WDR49: variants seen among roughly 807,000 people sequenced by gnomAD.
WDR49 encodes the protein cilia- and flagella-associated protein 337.
Under a neutral mutation model 119.5 loss-of-function variants are expected in WDR49, and 107 were observed. The observed-to-expected ratio is 0.90, with a 90% CI of 0.77 to 1.05. WDR49 has a LOEUF of 1.05. WDR49 is among the 50% of genes least tolerant of loss of function. WDR49 has a pLI of 0.00. For missense variants in WDR49, 1,240 were observed against 1,220.5 expected (o/e 1.02, Z -0.24); for synonymous variants, 425 against 418.8 (o/e 1.01, Z -0.18).
intron 8 of WDR49, among the ~76,000 whole-genome samples, chr3:167,573,890 T>C (rs1186035724): frequency 6.6e-6 from 1 of 152,180 alleles, no homozygotes; most frequent in Non-Finnish European, 1.5e-5. Context: ...TCTCCAAAAA[T>C]GCACCGTGAG....
Position 167,621,496 on chromosome 3 carries a change from T to A in WDR49, c.754A>T (p.Ile252Phe). 1 of 1,534,430 alleles carries A rather than the reference T, an allele frequency of 6.5e-7. No homozygotes were observed. The highest frequency in any genetic ancestry group is 8.7e-7 in the Non-Finnish European group (1 of 1,145,952). ...WYDPLDANES[I>F]LSFGDITGKV... ...CCAGTTATATCCCCAAAAGAAAGAA[T>A]TGATTCATTGGCATCAAGAGGATCA... The change falls in exon 4 of 19, where the codon ATT (isoleucine) becomes TTT (phenylalanine). Residue 252 changes from isoleucine to phenylalanine, a missense_variant. Physicochemically the swap from Ile to Phe is conservative, Grantham distance 21. Coordinates refer to ENST00000682715, the MANE Select transcript of WDR49 (RefSeq NM_001366157.1).
At chr3:167,499,707 C>T (rs1379173717) in intron 18 of WDR49, among the ~76,000 whole-genome samples, 2 of 152,208 alleles carry the variant, frequency 1.3e-5, no homozygotes, top group Admixed American at 6.5e-5. Flanking sequence ...CACCAGCCTA[C>T]CACTGCAGCT....
intron 6 of WDR49, among the ~76,000 whole-genome samples, chr3:167,603,019 C>A (rs1715857986): frequency 1.3e-5 from 2 of 152,130 alleles, no homozygotes; most frequent in South Asian, 4.1e-4. Flanking sequence ...AATGGAAAAT[C>A]ACCTAATGAT....
At chr3:167,520,663 T>C (rs1752402767) in intron 16 of WDR49, among the ~76,000 whole-genome samples, 1 of 152,184 alleles carries the variant, frequency 6.6e-6, no homozygotes, top group African/African-American at 2.4e-5. Context: ...TTTTCTTCTA[T>C]CTATGTGTCA....
At position 167,569,851 on chromosome 3, in the gene WDR49, G is replaced by A. The variant is rs189412873; in HGVS notation, c.1509+6067C>T. On this transcript the variant is annotated intron_variant, in intron 8 of 18. Coordinates refer to ENST00000682715, the MANE Select transcript of WDR49 (RefSeq NM_001366157.1). ...CGTTGTCTACAGGACAGGAAACTGA[G>A]TAGGCAGTGGCATGAAGATAAGAGA... Among the ~76,000 whole-genome samples the A allele has an allele frequency of 2.0e-4, 31 of 152,298 alleles. No homozygotes were observed. The East Asian group carries it at 4.2e-3, about 21-fold the overall frequency.
chr3:167,485,315 A>G (rs1287836875), intron 18 of WDR49, among the ~76,000 whole-genome samples: 1 of 152,104 alleles, frequency 6.6e-6, no homozygotes, highest in Non-Finnish European at 1.5e-5. Flanking sequence ...ACCTATGTAA[A>G]AAACCTTCAC....
chr3:167,602,814 A>G (rs548040820), intron 6 of WDR49, among the ~76,000 whole-genome samples: 21 of 152,316 alleles, frequency 1.4e-4, no homozygotes, highest in African/African-American at 5.0e-4. Flanking sequence ...CCATGAGACT[A>G]TAATATGGTA....
In WDR49 at chr3:167,569,727, C is replaced by T. The variant is rs372994835; in HGVS notation, c.1509+6191G>A. Among the ~76,000 whole-genome samples the T allele has an allele frequency of 7.3e-5, 11 of 150,430 alleles. No homozygotes were observed. The South Asian group carries it at 1.7e-3, about 23-fold the overall frequency. On this transcript the variant is annotated intron_variant, in intron 8 of 18. Transcript: ENST00000682715. Reference sequence around the variant, plus strand: ...ATACAGTGCCCCCTCGCAGTTCAAACCAGTGATGTTGAAGGATCAACTGTC... The same window carrying T: ...ATACAGTGCCCCCTCGCAGTTCAAATCAGTGATGTTGAAGGATCAACTGTC...
chr3:167,514,472 T>A lies in WDR49; in HGVS notation c.2774+7843A>T, dbSNP rs569422498. Among the ~76,000 whole-genome samples, 70 of 151,984 alleles carry A rather than the reference T, an allele frequency of 4.6e-4. 1 individual carries two copies. In the South Asian group the frequency reaches 4.8e-3, roughly 10 times the overall value. ...GCTAATGCAGTGTTAACAGAAAAAT[T>A]TACAGCACTAAATGCCCACATCAAA... is the stretch of plus-strand genomic sequence containing the variant. On this transcript the variant is annotated intron_variant, in intron 16 of 18. Transcript: ENST00000682715.
intron 2 of WDR49, among the ~76,000 whole-genome samples, chr3:167,641,227 T>C (rs1717867342): frequency 6.6e-6 from 1 of 151,868 alleles, no homozygotes; most frequent in African/African-American, 2.4e-5. Flanking sequence ...GAGTTATGTG[T>C]TTTTATGATG....
intron 7 of WDR49, among the ~76,000 whole-genome samples, chr3:167,598,610 G>A (rs7635043): frequency 0.017 from 2,613 of 152,286 alleles, 71 homozygotes; most frequent in African/African-American, 0.056. Flanking sequence ...CTTCCACCAT[G>A]ATTGTAAGCT....
chr3:167,500,099 T>C (rs1001235697), intron 18 of WDR49, 54 bp downstream of exon 18: 49 of 1,474,010 alleles, frequency 3.3e-5, no homozygotes, highest in Non-Finnish European at 3.6e-6. Context: ...TATTTTTAAA[T>C]GACTAAGTTT....
chr3:167,629,955 G>A (rs955985028), intron 2 of WDR49, among the ~76,000 whole-genome samples: 1 of 152,090 alleles, frequency 6.6e-6, no homozygotes, highest in Non-Finnish European at 1.5e-5. Flanking sequence ...ATCTATTCCC[G>A]TTGAAGATGC....
chr3:167,628,463 G>A (rs1031904510), intron 2 of WDR49, among the ~76,000 whole-genome samples: 2 of 152,122 alleles, frequency 1.3e-5, no homozygotes, highest in Non-Finnish European at 2.9e-5. Flanking sequence ...CTGCTGCTGT[G>A]AAGAAAGTTT....
At chr3:167,486,858 A>G (rs1249338039) in intron 18 of WDR49, among the ~76,000 whole-genome samples, 1 of 152,098 alleles carries the variant, frequency 6.6e-6, no homozygotes, top group Admixed American at 6.6e-5. Context: ...CTAGGCTTAA[A>G]CTCTACACTT....
intron 16 of WDR49, among the ~76,000 whole-genome samples, chr3:167,516,350 T>C (rs1417778694): frequency 6.7e-6 from 1 of 150,200 alleles, no homozygotes; most frequent in Admixed American, 6.7e-5. Context: ...ACATGTGGTG[T>C]TTGGTTTTTT....
At chr3:167,557,302 T>C (rs1712991601) in intron 9 of WDR49, among the ~76,000 whole-genome samples, 1 of 152,160 alleles carries the variant, frequency 6.6e-6, no homozygotes, top group African/African-American at 2.4e-5. Flanking sequence ...GGCTTAAAAA[T>C]TCAGCTTCTA....
chr3:167,485,778 C>T (rs1034559870), intron 18 of WDR49, among the ~76,000 whole-genome samples: 1 of 152,034 alleles, frequency 6.6e-6, no homozygotes, highest in Non-Finnish European at 1.5e-5. Flanking sequence ...AAATCTAGGA[C>T]TCACTGATAA....
intron 5 of WDR49, among the ~76,000 whole-genome samples, chr3:167,605,071 A>G (rs1252202571): frequency 6.6e-6 from 1 of 150,484 alleles, no homozygotes; most frequent in Non-Finnish European, 1.5e-5. Context: ...GCGTATATAT[A>G]CACACATATA....
Sources: allele counts gnomAD v4.1 joint callset (sites outside exome capture counted in the v4.1 genomes callset), GRCh38; gene constraint gnomAD v4.1.1; transcripts MANE v1.5; gene names NCBI Gene and HGNC (gene_info 2026-07-23, HGNC 2026-07-21).